Variants in SKIC3 observed in about 807,000 individuals in gnomAD.
SKIC3 encodes SKI3 subunit of superkiller complex, also known as superkiller complex protein 3.
chr5:95,475,432 C>T, the SKIC3 span, among the ~76,000 whole-genome samples: 1 of 152,082 alleles, frequency 6.6e-6, no homozygotes, highest in Non-Finnish European at 1.5e-5. Context: ...TACATCCCCC[C>T]TCTCTCTCTT....
the SKIC3 span, chr5:95,502,980 C>T: frequency 1.5e-4 from 245 of 1,614,040 alleles, no homozygotes; most frequent in African/African-American, 2.8e-3. Context: ...TCCGATTCAA[C>T]AATAGACAAG....
the SKIC3 span, chr5:95,494,676 A>G: frequency 6.2e-7 from 1 of 1,612,204 alleles, no homozygotes; most frequent in Admixed American, 1.7e-5. Context: ...TAGATATTAT[A>G]TGCACCTGGA....
the SKIC3 span, among the ~76,000 whole-genome samples, chr5:95,533,973 A>G: frequency 6.6e-6 from 1 of 152,208 alleles, no homozygotes; most frequent in Non-Finnish European, 1.5e-5. Flanking sequence ...TTGGCATGTG[A>G]GCAAGGCCAA....
chr5:95,498,236 A>G, the SKIC3 span: 1 of 866,728 alleles, frequency 1.2e-6, no homozygotes, highest in Non-Finnish European at 1.8e-6. Flanking sequence ...GGTCCTGTGT[A>G]AAATTTCATA....
the SKIC3 span, among the ~76,000 whole-genome samples, chr5:95,537,694 C>G: frequency 6.6e-6 from 1 of 152,140 alleles, no homozygotes; most frequent in Non-Finnish European, 1.5e-5. Context: ...TATTAACTGG[C>G]TTTGAAGGCC....
chr5:95,529,577 C>G, the SKIC3 span, among the ~76,000 whole-genome samples: 1 of 152,152 alleles, frequency 6.6e-6, no homozygotes. Flanking sequence ...CAGTTTTCCT[C>G]TTAGCTCAGG....
the SKIC3 span, among the ~76,000 whole-genome samples, chr5:95,473,608 C>G: frequency 2.6e-5 from 4 of 152,178 alleles, no homozygotes; most frequent in Non-Finnish European, 4.4e-5. Context: ...AATAGCCATT[C>G]TGACTGGTGT....
At chr5:95,490,104 T>G in the SKIC3 span, among the ~76,000 whole-genome samples, 1 of 152,112 alleles carries the variant, frequency 6.6e-6, no homozygotes, top group African/African-American at 2.4e-5. Flanking sequence ...CACCTTTCAG[T>G]GAAGAAATTT....
the SKIC3 span, among the ~76,000 whole-genome samples, chr5:95,510,562 A>G: frequency 6.6e-6 from 1 of 152,196 alleles, no homozygotes; most frequent in Admixed American, 6.5e-5. Context: ...CCAGATTGAT[A>G]AACTGGCTCA....
the SKIC3 span, chr5:95,523,655 C>A: frequency 6.2e-7 from 1 of 1,613,048 alleles, no homozygotes; most frequent in South Asian, 1.1e-5. Flanking sequence ...TTAGACATAC[C>A]ATATCTTCAA....
the SKIC3 span, chr5:95,478,489 T>C: frequency 4.3e-5 from 70 of 1,611,026 alleles, 1 homozygote; most frequent in African/African-American, 8.0e-4. Flanking sequence ...TAGTTTATTA[T>C]GCAGTCTGTT....
At chr5:95,536,755 A>T in the SKIC3 span, 1 of 1,344,676 alleles carries the variant, frequency 7.4e-7, no homozygotes, top group Non-Finnish European at 1.1e-6. Context: ...TTTTTTGATT[A>T]ATAACATCAC....
chr5:95,495,155 A>G, the SKIC3 span: 4 of 747,796 alleles, frequency 5.3e-6, no homozygotes, highest in Non-Finnish European at 9.0e-6. Context: ...AAACTTCTTA[A>G]AAGTATCAAT....
chr5:95,543,405 T>C, the SKIC3 span: 3 of 1,507,856 alleles, frequency 2.0e-6, no homozygotes, highest in Non-Finnish European at 2.8e-6. Context: ...AAGTCTAGCA[T>C]GAGTCAGGAA....
the SKIC3 span, among the ~76,000 whole-genome samples, chr5:95,525,900 T>G: frequency 1.3e-5 from 2 of 152,134 alleles, no homozygotes; most frequent in Admixed American, 6.5e-5. Flanking sequence ...TAAACCCACA[T>G]GTACCCATCA....
the SKIC3 span, chr5:95,547,233 A>G: frequency 4.8e-6 from 6 of 1,253,950 alleles, no homozygotes; most frequent in Non-Finnish European, 5.8e-6. Flanking sequence ...CCATCTGAAA[A>G]GGGACCCTGG....
At chr5:95,548,840 T>C in the SKIC3 span, 3 of 151,618 alleles carry the variant, frequency 2.0e-5, no homozygotes, top group Non-Finnish European at 3.0e-5. Context: ...AAAAACAGTC[T>C]CAAATTAAAA....
chr5:95,464,452 A>G, the SKIC3 span: 2 of 607,900 alleles, frequency 3.3e-6, no homozygotes, highest in Non-Finnish European at 5.7e-6. Flanking sequence ...TTAACAGAAA[A>G]TTGCATTCCT....
chr5:95,537,179 T>A, the SKIC3 span: 1 of 1,530,058 alleles, frequency 6.5e-7, no homozygotes, highest in Non-Finnish European at 9.0e-7. Flanking sequence ...GTATCATACT[T>A]AAATGACAAA....
Sources: gnomAD v4.1 joint callset for allele counts (sites outside exome capture counted in the v4.1 genomes callset) on GRCh38, gnomAD v4.1.1 for gene constraint, MANE v1.5 for transcripts, NCBI Gene and HGNC (gene_info 2026-07-23, HGNC 2026-07-21) for gene names.